The following FAM117B variants were observed in gnomAD, a reference collection of about 807,000 sequenced individuals.
The protein encoded by FAM117B is protein FAM117B.
A neutral mutation model predicts 52.8 loss-of-function variants in FAM117B; 22 were observed. The observed-to-expected ratio is 0.42, with a 90% CI of 0.30 to 0.59. FAM117B has a LOEUF of 0.59. FAM117B is among the 20% of genes least tolerant of loss of function. FAM117B has a pLI of 0.22. For synonymous variants in FAM117B, 309 were observed against 324.1 expected, an observed-to-expected ratio of 0.95 and a Z score of 0.50; for missense variants, 678 against 802.6, an observed-to-expected ratio of 0.84 and a Z score of 1.88.
At chr2:202,657,454 A>G (rs372089381) in intron 1 of FAM117B, among the ~76,000 whole-genome samples, 17 of 152,180 alleles carry the variant, frequency 1.1e-4, no homozygotes, top group African/African-American at 3.9e-4. Flanking sequence ...GACCATTTAC[A>G]GTTGTTGACA....
chr2:202,741,871 CA>C lies in FAM117B; in HGVS notation c.961-13665del, dbSNP rs541704767. ...GTATGACTGCAGTCCATAGCATTAA[CA>C]AGCTAAAATCAATACCATTTATATA... On this transcript the variant is annotated intron_variant, in intron 4 of 7. Transcript: ENST00000392238. 3.6e-4 allele frequency among the ~76,000 whole-genome samples: 55 copies of C among 152,216 alleles called. No homozygotes were observed. In the East Asian group the frequency reaches 9.9e-3, roughly 27 times the overall value.
intron 1 of FAM117B, among the ~76,000 whole-genome samples, chr2:202,684,807 G>A (rs1690514920): frequency 1.3e-5 from 2 of 152,110 alleles, no homozygotes; most frequent in Admixed American, 6.6e-5. Context: ...AAAGTGTTGT[G>A]ATTAGAGGCT....
chr2:202,653,296 AC>A (rs1266694827), intron 1 of FAM117B, among the ~76,000 whole-genome samples: 1 of 151,778 alleles, frequency 6.6e-6, no homozygotes, highest in Non-Finnish European at 1.5e-5. Context: ...AACTAAAGAA[AC>A]CCCCACAAAA....
At chr2:202,760,080 T>C (rs1456452023) in intron 7 of FAM117B, among the ~76,000 whole-genome samples, 5 of 152,382 alleles carry the variant, frequency 3.3e-5, no homozygotes, top group African/African-American at 1.2e-4. Context: ...AGATAATAGC[T>C]AACATTTTGC....
At chr2:202,705,925 T>C (rs1273346037) in intron 2 of FAM117B, among the ~76,000 whole-genome samples, 2 of 152,214 alleles carry the variant, frequency 1.3e-5, no homozygotes, top group Non-Finnish European at 2.9e-5. Flanking sequence ...TAACCTAGGC[T>C]TATTTACCTT....
Position 202,726,354 on chromosome 2 carries a change from C to T in FAM117B, c.951C>T (p.Asn317=). The T allele has an allele frequency of 1.2e-6, 2 of 1,610,300 alleles. No homozygotes were observed. The highest frequency in any genetic ancestry group is 1.7e-6 in the Non-Finnish European group (2 of 1,178,056). Residue 317 remains asparagine (N), a synonymous_variant, in exon 4 of 8, where the codon AAC becomes AAT. Transcript: ENST00000392238. ...TTCATGGCAACCATGCAGCTATTAA[C>T]CAGTGTCAGGTAAGAGTACCAATAC... is the stretch of plus-strand genomic sequence containing the variant. ...SPFHGNHAAI[N]QCQAPVPKSA...
At chr2:202,701,236 C>G (rs914841719) in intron 2 of FAM117B, among the ~76,000 whole-genome samples, 2 of 152,188 alleles carry the variant, frequency 1.3e-5, no homozygotes, top group Non-Finnish European at 2.9e-5. Flanking sequence ...ACGACAAAGC[C>G]TGGATGCCAG....
At chr2:202,754,909 A>AAAAG (rs1691779511) in intron 4 of FAM117B, among the ~76,000 whole-genome samples, 1 of 148,386 alleles carries the variant, frequency 6.7e-6, no homozygotes, top group Non-Finnish European at 1.5e-5. Flanking sequence ...AAAAAAAAAG[A>AAAAG]GGCTTAATTG....
chr2:202,739,288 C>T (rs1441215536), intron 4 of FAM117B, among the ~76,000 whole-genome samples: 1 of 152,148 alleles, frequency 6.6e-6, no homozygotes, highest in Non-Finnish European at 1.5e-5. Context: ...TTGTCCAAAG[C>T]ATCATTTTTA....
chr2:202,682,840 T>C lies in FAM117B; in HGVS notation c.602-13041T>C, dbSNP rs1269273202. On this transcript the variant is annotated intron_variant, in intron 1 of 7. Transcript: ENST00000392238. The stretch of plus-strand genomic sequence containing the variant: ...AAGTTGCAGAATATTTGGAACTGAA[T>C]GGTAATGAAAGCACATAATATATTT... 5.9e-5 allele frequency among the ~76,000 whole-genome samples: 9 copies of C among 152,170 alleles called. No individual in the cohort carries two copies. In the East Asian group the frequency reaches 1.7e-3, roughly 29 times the overall value.
chr2:202,694,529 T>C (rs1176529381), intron 1 of FAM117B, among the ~76,000 whole-genome samples: 1 of 152,096 alleles, frequency 6.6e-6, no homozygotes, highest in East Asian at 1.9e-4. Context: ...CTCACATTAC[T>C]TATTAATGTG....
chr2:202,637,566 A>T (rs1253983557), intron 1 of FAM117B, among the ~76,000 whole-genome samples: 1 of 152,178 alleles, frequency 6.6e-6, no homozygotes, highest in East Asian at 1.9e-4. Context: ...CCTTTTGAGA[A>T]TGCAGAATGC....
intron 1 of FAM117B, among the ~76,000 whole-genome samples, chr2:202,639,370 C>G (rs1689733671): frequency 6.6e-6 from 1 of 152,162 alleles, no homozygotes. Context: ...TAAAGTAATC[C>G]AAGCACCCAT....
At chr2:202,665,210 T>G (rs1043978961) in intron 1 of FAM117B, among the ~76,000 whole-genome samples, 5 of 151,580 alleles carry the variant, frequency 3.3e-5, no homozygotes, top group African/African-American at 1.2e-4. Flanking sequence ...GAGACAGAGT[T>G]TCGTATGCTG....
chr2:202,651,828 C>T (rs1274112371), intron 1 of FAM117B, among the ~76,000 whole-genome samples: 5 of 151,716 alleles, frequency 3.3e-5, no homozygotes, highest in African/African-American at 1.2e-4. Context: ...CTGAGGCAGG[C>T]GGATCACCTG....
chr2:202,688,815 A>G (rs952556577), intron 1 of FAM117B, among the ~76,000 whole-genome samples: 8 of 152,160 alleles, frequency 5.3e-5, no homozygotes, highest in Admixed American at 5.2e-4. Context: ...TCCAATTTTA[A>G]TCTGTCTGTT....
intron 1 of FAM117B, among the ~76,000 whole-genome samples, chr2:202,659,604 CTTTTTTTTTTTTTTTTTT>C: frequency 1.6e-5 from 1 of 62,312 alleles, no homozygotes. Context: ...AGCCACCGTG[CTTTTTTTTTTTTTTTTTT>C]TTTTTTTTTT....
At chr2:202,730,095 C>A (rs1691315919) in intron 4 of FAM117B, among the ~76,000 whole-genome samples, 1 of 152,084 alleles carries the variant, frequency 6.6e-6, no homozygotes, top group Non-Finnish European at 1.5e-5. Flanking sequence ...TAGTTGAATT[C>A]TATTAAAAGG....
intron 1 of FAM117B, among the ~76,000 whole-genome samples, chr2:202,678,298 G>A (rs1322241091): frequency 1.3e-5 from 2 of 152,158 alleles, no homozygotes; most frequent in African/African-American, 4.8e-5. Context: ...AACCCTGTGT[G>A]CGGTAGAAAA....
Sources: allele counts gnomAD v4.1 joint callset (sites outside exome capture counted in the v4.1 genomes callset), GRCh38; gene constraint gnomAD v4.1.1; transcripts MANE v1.5; gene names NCBI Gene and HGNC (gene_info 2026-07-23, HGNC 2026-07-21).